Variants in THBS4 observed in about 807,000 individuals in gnomAD.
THBS4 encodes thrombospondin-4.
A neutral mutation model predicts 115.7 loss-of-function variants in THBS4; 90 were observed. That is an observed-to-expected ratio of 0.78 (90% CI 0.66 to 0.93). The LOEUF (loss-of-function observed/expected upper bound fraction) is 0.93, where lower values mean the gene tolerates loss of function less well. Ranked by LOEUF, THBS4 falls within the 40% of genes least tolerant of loss-of-function variation. THBS4 has a pLI of 0.00. For synonymous variants in THBS4, 460 were observed against 479.3 expected (o/e 0.96, Z 0.53); for missense variants, 1,087 against 1,232.7 (o/e 0.88, Z 1.77).
At chr5:80,017,796 T>A (rs1254127650) in intron 2 of THBS4, among the ~76,000 whole-genome samples, 1 of 152,224 alleles carries the variant, frequency 6.6e-6, no homozygotes, top group Non-Finnish European at 1.5e-5. Flanking sequence ...TACTCAGTTT[T>A]GTTTGTCTTA....
intron 2 of THBS4, among the ~76,000 whole-genome samples, chr5:80,016,024 C>T (rs1182242621): frequency 6.6e-6 from 1 of 152,254 alleles, no homozygotes; most frequent in South Asian, 2.1e-4. Flanking sequence ...TTCTGTCTGC[C>T]TCTTGGACCA....
At position 80,059,496 on chromosome 5, in the gene THBS4, G is replaced by A; in HGVS notation, c.784+5G>A. 1.2e-6 allele frequency: 2 copies of A among 1,614,018 alleles called. No individual in the cohort carries two copies. The highest frequency in any genetic ancestry group is 1.7e-6 in the Non-Finnish European group (2 of 1,180,004). On this transcript the variant is annotated splice_donor_5th_base_variant and intron_variant, in intron 6 of 21. Transcript: ENST00000350881. ...TAGCTGAATGCCAGGCTTGCGGTAA[G>A]TGCTTTTCTAGTAATGGGCTCGCCT... is the stretch of plus-strand genomic sequence containing the variant.
chr5:80,071,065 T>C lies in THBS4; in HGVS notation c.1605T>C (p.Asp535=), dbSNP rs1346723870. The change falls in exon 13 of 22, where the codon GAT becomes GAC. Residue 535 remains aspartate (D), a synonymous_variant. Transcript: ENST00000350881. ...LIHNVDQRNS[D]KDIFGDACDN... ...ATAATGTGGACCAAAGGAACAGCGA[T>C]AAAGATATCTTTGGGGATGCCTGTG... 6.2e-7 allele frequency: 1 copy of C among 1,613,170 alleles called. No homozygotes were observed. Among genetic ancestry groups the C allele is most frequent in the Admixed American group, 1.7e-5 (1 of 59,694 alleles).
chr5:80,039,002 T>A (rs369282817), intron 1 of THBS4, among the ~76,000 whole-genome samples: 2 of 152,234 alleles, frequency 1.3e-5, no homozygotes, highest in South Asian at 4.1e-4. Flanking sequence ...ATTAGGTAAA[T>A]ACATGAACAT....
intron 10 of THBS4, among the ~76,000 whole-genome samples, chr5:80,069,351 A>G (rs1189110971): frequency 6.6e-6 from 1 of 152,242 alleles, no homozygotes; most frequent in African/African-American, 2.4e-5. Context: ...ACAAGGTCAG[A>G]TGGAAGAATG....
intron 2 of THBS4, among the ~76,000 whole-genome samples, chr5:80,055,471 G>A (rs1487872782): frequency 1.3e-5 from 2 of 152,266 alleles, no homozygotes; most frequent in South Asian, 2.1e-4. Context: ...ATTGGGTTCT[G>A]CTTGCTCATT....
Position 80,040,235 on chromosome 5 carries a change from A to C in THBS4, c.247A>C (p.Asn83His), listed in dbSNP as rs780117789. The C allele has an allele frequency of 6.2e-7, 1 of 1,614,142 alleles. No individual in the cohort carries two copies. Among genetic ancestry groups the C allele is most frequent in the Non-Finnish European group, 8.5e-7 (1 of 1,180,006 alleles). The stretch of plus-strand genomic sequence containing the variant: ...CTTCGGTCTTTACTCTTCAACTGAC[A>C]ACAGTAAATATTTTGAATTTACTGT... ...TIFGLYSSTDNSKYFEFTVMG... is the reference protein window; with the variant it reads ...TIFGLYSSTDHSKYFEFTVMG... Residue 83 changes from asparagine (N) to histidine (H), a missense_variant, in exon 2 of 22, where the codon AAC becomes CAC. Physicochemically the swap from Asn to His is moderately conservative, Grantham distance 68. Coordinates refer to ENST00000350881, the MANE Select transcript of THBS4 (RefSeq NM_003248.6).
chr5:80,030,013 A>G (rs1217427863), intron 2 of THBS4, among the ~76,000 whole-genome samples: 1 of 151,974 alleles, frequency 6.6e-6, no homozygotes, highest in Admixed American at 6.6e-5. Flanking sequence ...ACACTAATCA[A>G]AAGACTCCAG....
intron 15 of THBS4, 24 bp from the exon 16 acceptor site, chr5:80,076,831 C>T (rs551505213): frequency 2.0e-6 from 3 of 1,525,104 alleles, no homozygotes; most frequent in African/African-American, 1.4e-5. Context: ...CTGTGAGCCA[C>T]ATCACCTGTC....
chr5:80,007,464 C>G (rs1343416385), intron 2 of THBS4, among the ~76,000 whole-genome samples: 1 of 152,200 alleles, frequency 6.6e-6, no homozygotes, highest in Non-Finnish European at 1.5e-5. Context: ...TGGAATTCGT[C>G]TGCCCCATGA....
At chr5:80,075,988 C>G (rs750893102) in intron 15 of THBS4, 2 of 152,372 alleles carry the variant, frequency 1.3e-5, no homozygotes, top group African/African-American at 4.8e-5. Context: ...CAGGACAGGC[C>G]GCAGGTGGAC....
intron 2 of THBS4, among the ~76,000 whole-genome samples, chr5:80,005,367 T>C (rs1167753320): frequency 6.6e-6 from 1 of 152,200 alleles, no homozygotes; most frequent in Non-Finnish European, 1.5e-5. Context: ...TAAGCATAGT[T>C]AAAGGTTAAT....
At chr5:80,004,294 G>T (rs987976784) in intron 2 of THBS4, among the ~76,000 whole-genome samples, 7 of 152,194 alleles carry the variant, frequency 4.6e-5, no homozygotes, top group African/African-American at 1.7e-4. Context: ...AAATGATATT[G>T]TTCAGATTCT....
upstream of THBS4, among the ~76,000 whole-genome samples, chr5:80,034,905 C>T (rs1292333662): frequency 6.6e-6 from 1 of 152,166 alleles, no homozygotes; most frequent in Non-Finnish European, 1.5e-5. Flanking sequence ...AGGATTCATT[C>T]GCAAGGGAAC....
At chr5:79,991,527 T>C in intron 1 of THBS4, 1 of 313,360 alleles carries the variant, frequency 3.2e-6, no homozygotes, top group South Asian at 1.4e-4. Context: ...GATGCCTAAA[T>C]TAACCTGTTT....
rs949050845 is a variant in THBS4 at position 80,059,284 on chromosome 5, C to T, written c.733-156C>T. Among the ~76,000 whole-genome samples, 7 of 148,512 alleles carry T rather than the reference C, an allele frequency of 4.7e-5. No individual in the cohort carries two copies. In the South Asian group the frequency reaches 6.4e-4, roughly 13 times the overall value. ...GGCGGAGGTTGTAGTGAGCTGAGATCGTGCCACTGCACTCCAGCCTGGGCG... is the reference window on the plus strand; with the variant it reads ...GGCGGAGGTTGTAGTGAGCTGAGATTGTGCCACTGCACTCCAGCCTGGGCG... On this transcript the variant is annotated intron_variant, in intron 5 of 21. Transcript: ENST00000350881.
At chr5:80,069,900 T>C (rs538745030) in intron 10 of THBS4, among the ~76,000 whole-genome samples, 11 of 152,336 alleles carry the variant, frequency 7.2e-5, no homozygotes, top group African/African-American at 2.6e-4. Flanking sequence ...ATTTAACCTG[T>C]GCTCACATAA....
chr5:80,023,636 G>C (rs891231734), intron 2 of THBS4, among the ~76,000 whole-genome samples: 3 of 152,176 alleles, frequency 2.0e-5, no homozygotes, highest in African/African-American at 7.2e-5. Context: ...TGCTGTAACA[G>C]AATATCCAAG....
At chr5:80,057,577 G>A (rs1833472792) in intron 3 of THBS4, among the ~76,000 whole-genome samples, 1 of 152,148 alleles carries the variant, frequency 6.6e-6, no homozygotes, top group South Asian at 2.1e-4. Flanking sequence ...CTAAAATAAG[G>A]ATGATGACTT....
Sources: allele counts gnomAD v4.1 joint callset (sites outside exome capture counted in the v4.1 genomes callset), GRCh38; gene constraint gnomAD v4.1.1; transcripts MANE v1.5; gene names NCBI Gene and HGNC (gene_info 2026-07-23, HGNC 2026-07-21).